The following LANCL3 variants were observed in gnomAD, a reference collection of about 807,000 sequenced individuals.
LANCL3 encodes the protein lanC-like protein 3.
Under a neutral mutation model 26.5 loss-of-function variants are expected in LANCL3, and 19 were observed. The ratio of observed to expected loss-of-function variants is 0.72; its 90% CI spans 0.50 to 1.05. The LOEUF is 1.05. LANCL3 is among the 50% of genes least tolerant of loss of function. The probability of loss-of-function intolerance (pLI) is 0.00; values close to 1 mark genes in which losing one functional copy is unlikely to be tolerated. For missense variants in LANCL3, 318 were observed against 362.7 expected (o/e 0.88, Z 1.00); for synonymous variants, 160 against 166.6 (o/e 0.96, Z 0.30).
In LANCL3 at chrX:37,677,563, G is replaced by A. The variant is rs1339899146; in HGVS notation, c.*1750G>A. The A allele has an allele frequency of 1.8e-5, 2 of 112,008 alleles. No individual in the cohort carries two copies. Among genetic ancestry groups the A allele is most frequent in the Non-Finnish European group, 3.8e-5 (2 of 53,112 alleles). 9.2% of individuals were successfully genotyped at this position (112,008 alleles called of 1,213,427 possible). A position where few individuals can be genotyped will look rare whatever the true frequency, so the allele number is the denominator to read the frequency against. On this transcript the variant is annotated 3_prime_UTR_variant, in exon 5 of 5. Coordinates refer to ENST00000378619, the MANE Select transcript of LANCL3 (RefSeq NM_001170331.2). ...ATACAACCATATCAAATTGGCCTCA[G>A]TTGTTCATCAGTGAAAATGCTCAGT...
chrX:37,586,898 T>C (rs1924104431), intron 1 of LANCL3, among the ~76,000 whole-genome samples: 1 of 111,738 alleles, frequency 8.9e-6, no homozygotes, highest in African/African-American at 3.3e-5. Flanking sequence ...TCAGGTTTTC[T>C]GCTCTGGTTT....
rs782011901 is a variant in LANCL3, at chrX:37,675,877, A to C, written c.*64A>C. ...TGAGCCAAGCCGAGGCAGTTTCCAC[A>C]TAAGCCACATTCAATGGTATCGCAA... On this transcript the variant is annotated 3_prime_UTR_variant, in exon 5 of 5. Transcript: ENST00000378619. The C allele has an allele frequency of 4.9e-5, 43 of 875,117 alleles. No individual in the cohort carries two copies. The South Asian group carries it at 1.9e-3, about 39-fold the overall frequency. 72.1% of individuals were successfully genotyped at this position (875,117 alleles called of 1,213,427 possible).
At position 37,613,323 on chromosome X, in the gene LANCL3, C is replaced by T. The variant is rs782155159; in HGVS notation, c.573+40880C>T. On this transcript the variant is annotated intron_variant, in intron 1 of 4. Coordinates refer to ENST00000378619, the MANE Select transcript of LANCL3 (RefSeq NM_001170331.2). ...TCAGTATCTAGCACCTAGGACATGGCCTGGCTCAGGGTTGGCTTCTAATAA... is the reference window on the plus strand; with the variant it reads ...TCAGTATCTAGCACCTAGGACATGGTCTGGCTCAGGGTTGGCTTCTAATAA... 2.7e-5 allele frequency among the ~76,000 whole-genome samples: 3 copies of T among 111,095 alleles called. No homozygotes were observed. In the South Asian group the frequency reaches 1.2e-3, roughly 43 times the overall value.
chrX:37,619,326 T>C (rs1556422062), intron 1 of LANCL3, among the ~76,000 whole-genome samples: 2 of 111,450 alleles, frequency 1.8e-5, no homozygotes, highest in African/African-American at 6.5e-5. Context: ...CCTTTTCACA[T>C]CTACTTTTGC....
At chrX:37,615,630 C>T (rs1008520770) in intron 1 of LANCL3, among the ~76,000 whole-genome samples, 6 of 111,551 alleles carry the variant, frequency 5.4e-5, no homozygotes, top group African/African-American at 1.3e-4. Flanking sequence ...ATATGCCTTC[C>T]GTCTGTTCTT....
chrX:37,594,195 A>G (rs781999944), intron 1 of LANCL3, among the ~76,000 whole-genome samples: 1 of 112,143 alleles, frequency 8.9e-6, no homozygotes, highest in East Asian at 2.8e-4. Flanking sequence ...ACAGTTTTTC[A>G]TGGCAGTGAC....
chrX:37,592,406 C>A (rs1363792692), intron 1 of LANCL3, among the ~76,000 whole-genome samples: 2 of 112,197 alleles, frequency 1.8e-5, no homozygotes, highest in African/African-American at 6.5e-5. Flanking sequence ...ATTTGAGGAA[C>A]ATGTCTGATT....
chrX:37,625,442 C>T (rs1432622636), intron 1 of LANCL3, among the ~76,000 whole-genome samples: 1 of 110,791 alleles, frequency 9.0e-6, no homozygotes, highest in African/African-American at 3.3e-5. Context: ...TCACAAATGC[C>T]AAGTTGAAGG....
At chrX:37,640,321 A>G (rs1457361355) in intron 1 of LANCL3, among the ~76,000 whole-genome samples, 1 of 111,568 alleles carries the variant, frequency 9.0e-6, no homozygotes, top group African/African-American at 3.3e-5. Context: ...TGGCGGCAGG[A>G]GAGAGAGCAC....
At chrX:37,638,400 T>C (rs1003035146) in intron 1 of LANCL3, among the ~76,000 whole-genome samples, 6 of 111,468 alleles carry the variant, frequency 5.4e-5, no homozygotes, top group Admixed American at 1.9e-4. Context: ...AGCCTGGAGG[T>C]AATGTACTCT....
chrX:37,638,620 G>T (rs1312635143), intron 1 of LANCL3, among the ~76,000 whole-genome samples: 1 of 111,264 alleles, frequency 9.0e-6, no homozygotes, highest in East Asian at 2.8e-4. Context: ...ATTTATTTTT[G>T]CTTTTTTATA....
intron 1 of LANCL3, among the ~76,000 whole-genome samples, chrX:37,617,202 C>T (rs1925032881): frequency 9.0e-6 from 1 of 110,688 alleles, no homozygotes; most frequent in African/African-American, 3.3e-5. Flanking sequence ...CCTGGAGGGG[C>T]CGTTGGAGGA....
intron 1 of LANCL3, among the ~76,000 whole-genome samples, chrX:37,606,975 CT>C (rs781930080): frequency 8.9e-6 from 1 of 112,100 alleles, no homozygotes; most frequent in African/African-American, 3.2e-5. Flanking sequence ...TATTTTTTGT[CT>C]TCACCACATT....
At chrX:37,586,856 G>A (rs1179083471) in intron 1 of LANCL3, among the ~76,000 whole-genome samples, 2 of 100,762 alleles carry the variant, frequency 2.0e-5, no homozygotes, top group East Asian at 5.8e-4. Context: ...GCATTCCTTT[G>A]GAGGAGGAGA....
chrX:37,594,542 C>T (rs1445038973), intron 1 of LANCL3, among the ~76,000 whole-genome samples: 1 of 111,987 alleles, frequency 8.9e-6, no homozygotes. Context: ...GGACTTATGG[C>T]CCCCAATTGA....
Position 37,655,762 on chromosome X carries a change from G to C in LANCL3, c.648G>C (p.Lys216Asn). The C allele has an allele frequency of 1.7e-6, 2 of 1,204,993 alleles. No individual in the cohort carries two copies. Among genetic ancestry groups the C allele is most frequent in the Non-Finnish European group, 2.2e-6 (2 of 890,196 alleles). ...CTGGGAAGCAGTATGCCATAAAGAA[G>C]AGGAAACCATTCCCCCTGATGTATT... is the stretch of plus-strand genomic sequence containing the variant. ...LDSGKQYAIK[K>N]RKPFPLMYSY... The change falls in exon 2 of 5, where the codon AAG (lysine) becomes AAC (asparagine). Residue 216 changes from lysine (K) to asparagine (N), a missense_variant. Physicochemically the swap from Lys to Asn is moderately conservative, Grantham distance 94. Transcript: ENST00000378619.
chrX:37,618,881 T>C (rs1181685657), intron 1 of LANCL3, among the ~76,000 whole-genome samples: 1 of 111,815 alleles, frequency 8.9e-6, no homozygotes, highest in Non-Finnish European at 1.9e-5. Flanking sequence ...TTGTGGAAGA[T>C]GGCAATGAAG....
At chrX:37,654,423 A>T (rs1926232308) in intron 1 of LANCL3, among the ~76,000 whole-genome samples, 1 of 112,417 alleles carries the variant, frequency 8.9e-6, no homozygotes, top group South Asian at 3.7e-4. Flanking sequence ...TATTGATCCC[A>T]GATTCATTCA....
At position 37,679,021 on chromosome X, in the gene LANCL3, T is replaced by A. The variant is rs1419820538; in HGVS notation, c.*3208T>A. 4.5e-5 allele frequency: 5 copies of A among 111,728 alleles called. No homozygotes were observed. The highest frequency in any genetic ancestry group is 1.6e-4 in the African/African-American group (5 of 30,767). The allele number at this position is 111,728 out of a possible 1,213,427, so 9.2% of individuals were successfully genotyped here. Reference sequence around the variant, plus strand: ...AACACACAATTAAAAGGAAAACCATTAGTGGTGCAAAGAGCCCTGTGCTGG... The same window carrying A: ...AACACACAATTAAAAGGAAAACCATAAGTGGTGCAAAGAGCCCTGTGCTGG... On this transcript the variant is annotated 3_prime_UTR_variant, in exon 5 of 5. Transcript: ENST00000378619.
Sources: allele counts gnomAD v4.1 joint callset (sites outside exome capture counted in the v4.1 genomes callset), GRCh38; gene constraint gnomAD v4.1.1; transcripts MANE v1.5; gene names NCBI Gene and HGNC (gene_info 2026-07-23, HGNC 2026-07-21).